Variants in HPS3 observed in about 807,000 individuals in gnomAD.
HPS3 encodes the protein HPS3 biogenesis of lysosomal organelles complex 2 subunit 1.
Under a neutral mutation model 110.9 loss-of-function variants are expected in HPS3, and 79 were observed. The ratio of observed to expected loss-of-function variants is 0.71; its 90% CI spans 0.59 to 0.86. The LOEUF (loss-of-function observed/expected upper bound fraction) is 0.86, where lower values mean the gene tolerates loss of function less well. Among genes scored for constraint, HPS3 ranks in the 40% least tolerant of loss-of-function variants. HPS3 has a pLI of 0.00. For missense variants in HPS3, 1,197 were observed against 1,206.2 expected (o/e 0.99, Z 0.11); for synonymous variants, 428 against 451.0 (o/e 0.95, Z 0.65).
At chr3:149,170,862 T>C (rs1724905563) in intron 16 of HPS3, among the ~76,000 whole-genome samples, 1 of 152,222 alleles carries the variant, frequency 6.6e-6, no homozygotes, top group Non-Finnish European at 1.5e-5. Context: ...TGGATGTTTA[T>C]TGGGAACATT....
Position 149,173,577 on chromosome 3 carries a change from G to A in HPS3, c.*1355G>A, listed in dbSNP as rs34228141. On this transcript the variant is annotated 3_prime_UTR_variant, in exon 17 of 17. Coordinates refer to ENST00000296051, the MANE Select transcript of HPS3 (RefSeq NM_032383.5). ...AAATTAATAGTTTTCCCCCACAAAT[G>A]TACAAAGTTGTATGCTTCCAGTCTT... The A allele has an allele frequency of 0.026, 16,053 of 613,554 alleles. 300 individuals are homozygous for A. The highest frequency in any genetic ancestry group is 0.045 in the Middle Eastern group (97 of 2,162). 38.0% of individuals were successfully genotyped at this position (613,554 alleles called of 1,614,324 possible).
intron 13 of HPS3, among the ~76,000 whole-genome samples, chr3:149,163,084 C>T (rs1427908060): frequency 6.6e-6 from 1 of 152,162 alleles, no homozygotes; most frequent in Non-Finnish European, 1.5e-5. Flanking sequence ...AAAGAATGTC[C>T]TCTACTTATT....
intron 10 of HPS3, among the ~76,000 whole-genome samples, chr3:149,159,142 C>T (rs1418702923): frequency 3.3e-5 from 5 of 152,156 alleles, no homozygotes; most frequent in Admixed American, 2.0e-4. Context: ...ACACAGAATG[C>T]GGGCCTTGCC....
At chr3:149,134,963 A>C (rs1722002817) in intron 1 of HPS3, among the ~76,000 whole-genome samples, 1 of 152,168 alleles carries the variant, frequency 6.6e-6, no homozygotes. Flanking sequence ...CTTGTTTTCC[A>C]CTTCACAGCT....
chr3:149,172,067 T>C, intron 16 of HPS3, 28 bp from the exon 17 acceptor site: 1 of 1,608,874 alleles, frequency 6.2e-7, no homozygotes. Context: ...GACTTTCAAT[T>C]CTAATTCAGA....
rs1725101544 is a variant in HPS3 at position 149,172,472 on chromosome 3, AT to A, written c.*251del. ...CTAGAATGTAAAAAGTCTTTAAGAC[AT>A]AAGAATTCCTCAAAGAAGCCATACA... On this transcript the variant is annotated 3_prime_UTR_variant, in exon 17 of 17. Transcript: ENST00000296051. The A allele has an allele frequency of 2.8e-6, 1 of 361,368 alleles. No homozygotes were observed. Among genetic ancestry groups the A allele is most frequent in the African/African-American group, 2.1e-5 (1 of 47,878 alleles). The allele number at this position is 361,368 out of a possible 1,614,324, so 22.4% of individuals were successfully genotyped here. A position where few individuals can be genotyped will look rare whatever the true frequency, so the allele number is the denominator to read the frequency against.
intron 16 of HPS3, among the ~76,000 whole-genome samples, chr3:149,168,698 A>C (rs143479686): frequency 1.1e-3 from 165 of 152,242 alleles, no homozygotes; most frequent in Non-Finnish European, 1.9e-3. Context: ...TTAAAGCTGT[A>C]TGCTTGTGAT....
intron 5 of HPS3, among the ~76,000 whole-genome samples, chr3:149,146,595 T>G (rs556526956): frequency 6.6e-6 from 1 of 152,326 alleles, no homozygotes; most frequent in Admixed American, 6.5e-5. Context: ...AGTATCACAA[T>G]CTCTAGCAGG....
chr3:149,146,214 C>T (rs117329343), intron 5 of HPS3, among the ~76,000 whole-genome samples: 6 of 152,258 alleles, frequency 3.9e-5, no homozygotes, highest in East Asian at 3.9e-4. Flanking sequence ...CTTCCTTGTG[C>T]CCTCTGACCA....
Position 149,160,230 on chromosome 3 carries a change from A to C in HPS3, c.2057A>C (p.Lys686Thr). ...VTLTKAAVAL[K>T]MGDLDMHRNE... ...TTGACCAAGGCAGCAGTGGCTCTGA[A>C]AATGGGAGATCTTGACATGCACAGA... The change falls in exon 11 of 17, where the codon AAA becomes ACA. Residue 686 changes from lysine (K) to threonine (T), a missense_variant. Physicochemically the swap from Lys to Thr is moderately conservative, Grantham distance 78. Transcript: ENST00000296051. 1 of 1,613,894 alleles carries C rather than the reference A, an allele frequency of 6.2e-7. No individual in the cohort carries two copies. The highest frequency in any genetic ancestry group is 1.3e-5 in the African/African-American group (1 of 75,030).
At chr3:149,145,260 C>G (rs1722720963) in intron 4 of HPS3, 94 bp from the exon 5 acceptor site, 1 of 950,824 alleles carries the variant, frequency 1.1e-6, no homozygotes, top group African/African-American at 1.6e-5. Context: ...TGGTTACCCA[C>G]TGATACAGTT....
intron 15 of HPS3, 104 bp from the exon 16 acceptor site, chr3:149,167,789 A>T (rs754939789): frequency 1.2e-5 from 9 of 752,264 alleles, no homozygotes; most frequent in South Asian, 2.9e-5. Context: ...AGACAAAATG[A>T]TGTATTTTTG....
chr3:149,156,563 T>C (rs1422327157), intron 8 of HPS3, among the ~76,000 whole-genome samples: 3 of 151,970 alleles, frequency 2.0e-5, no homozygotes, highest in African/African-American at 7.2e-5. Flanking sequence ...GTATTCCTTA[T>C]TTAGGGTTTG....
chr3:149,162,478 A>C, intron 12 of HPS3, 145 bp downstream of exon 12: 1 of 886,988 alleles, frequency 1.1e-6, no homozygotes, highest in Non-Finnish European at 1.8e-6. Context: ...TAAAAGTACT[A>C]ATTAAAAGAC....
intron 11 of HPS3, among the ~76,000 whole-genome samples, chr3:149,161,473 G>GTACA (rs940625095): frequency 4.9e-5 from 6 of 123,172 alleles, no homozygotes; most frequent in Admixed American, 1.6e-4. Context: ...AATAAAATCT[G>GTACA]TACATGTTCA....
intron 14 of HPS3, chr3:149,166,049 T>G (rs1348742413): frequency 2.2e-6 from 1 of 455,746 alleles, no homozygotes; most frequent in Non-Finnish European, 4.4e-6. Context: ...TCTCAGAAGA[T>G]GCTGTAGCAA....
chr3:149,141,674 C>T (rs1250867587), intron 4 of HPS3, among the ~76,000 whole-genome samples: 1 of 150,978 alleles, frequency 6.6e-6, no homozygotes, highest in Non-Finnish European at 1.5e-5. Flanking sequence ...GCTGGGACTA[C>T]AGGCGCCCGC....
At chr3:149,167,327 A>G (rs1055082184) in intron 15 of HPS3, 87 bp downstream of exon 15, 2 of 1,008,952 alleles carry the variant, frequency 2.0e-6, no homozygotes, top group Admixed American at 2.0e-5. Flanking sequence ...AATGGGGACA[A>G]TTTATGCTAA....
rs1553756781 is a variant in HPS3, at chr3:149,172,355, C to CAT, written c.*138_*139dup. ...ACACACACACACACACACACACACA[C>CAT]ATATATGATACAAATGCTTTCAGGC... On this transcript the variant is annotated 3_prime_UTR_variant, in exon 17 of 17. Coordinates refer to ENST00000296051, the MANE Select transcript of HPS3 (RefSeq NM_032383.5). 1.5e-5 allele frequency: 9 copies of CAT among 619,166 alleles called. No individual in the cohort carries two copies. The highest frequency in any genetic ancestry group is 6.3e-5 in the East Asian group (2 of 31,736). 38.4% of individuals were successfully genotyped at this position (619,166 alleles called of 1,614,324 possible). A position where few individuals can be genotyped will look rare whatever the true frequency, so the allele number is the denominator to read the frequency against.
Sources: allele counts gnomAD v4.1 joint callset (sites outside exome capture counted in the v4.1 genomes callset), GRCh38; gene constraint gnomAD v4.1.1; transcripts MANE v1.5; gene names NCBI Gene and HGNC (gene_info 2026-07-23, HGNC 2026-07-21).